Variants in MBNL2 observed in about 807,000 individuals in gnomAD.
MBNL2 encodes muscleblind like splicing regulator 2, also known as muscleblind-like protein 2.
In MBNL2, 17 loss-of-function variants were observed where a neutral mutation model predicts 41.9. The observed-to-expected ratio is 0.41, with a 90% confidence interval of 0.28 to 0.61. The LOEUF is 0.61. MBNL2 is among the 20% of genes least tolerant of loss of function. The probability of loss-of-function intolerance (pLI) is 0.35; values close to 1 mark genes in which losing one functional copy is unlikely to be tolerated. For synonymous variants in MBNL2, 195 were observed against 182.9 expected, an observed-to-expected ratio of 1.07 and a Z score of -0.53; for missense variants, 336 against 505.6, an observed-to-expected ratio of 0.66 and a Z score of 3.22.
intron 2 of MBNL2, among the ~76,000 whole-genome samples, chr13:97,290,800 T>C (rs535863657): frequency 5.3e-5 from 8 of 152,144 alleles, no homozygotes; most frequent in South Asian, 2.1e-4. Context: ...ATAGAAAACA[T>C]TGTGATGGGG....
the MBNL2 span, among the ~76,000 whole-genome samples, chr13:97,194,107 A>C: frequency 6.6e-6 from 1 of 152,224 alleles, no homozygotes; most frequent in Non-Finnish European, 1.5e-5. Context: ...CTCTGAACAT[A>C]CCACTCAAAG....
the MBNL2 span, among the ~76,000 whole-genome samples, chr13:97,185,603 G>C: frequency 6.6e-6 from 1 of 152,202 alleles, no homozygotes; most frequent in Non-Finnish European, 1.5e-5. Flanking sequence ...TGGAGTGAGA[G>C]GCTTTAAAGA....
the MBNL2 span, among the ~76,000 whole-genome samples, chr13:97,204,376 A>C: frequency 1.1e-4 from 17 of 152,244 alleles, no homozygotes; most frequent in Admixed American, 5.2e-4. Flanking sequence ...TCTTAGAAAA[A>C]GGCTTATCTA....
At chr13:97,291,278 G>T (rs924245900) in intron 2 of MBNL2, among the ~76,000 whole-genome samples, 8 of 152,060 alleles carry the variant, frequency 5.3e-5, no homozygotes, top group African/African-American at 1.9e-4. Flanking sequence ...GTCTCACTCT[G>T]TTGCCCAGGC....
At chr13:97,389,680 T>A (rs761187356) in intron 8 of MBNL2, among the ~76,000 whole-genome samples, 79 of 151,280 alleles carry the variant, frequency 5.2e-4, no homozygotes, top group Non-Finnish European at 9.6e-4. Context: ...CATTCCTAAC[T>A]GGGCAACAGA....
At chr13:97,224,707 G>A (rs1454677418) in intron 1 of MBNL2, among the ~76,000 whole-genome samples, 4 of 150,868 alleles carry the variant, frequency 2.7e-5, no homozygotes, top group African/African-American at 4.9e-5. Context: ...ATAAAACCTC[G>A]GTATTAAGAA....
the MBNL2 span, among the ~76,000 whole-genome samples, chr13:97,209,724 TTGA>T: frequency 6.6e-6 from 1 of 152,210 alleles, no homozygotes; most frequent in African/African-American, 2.4e-5. Flanking sequence ...TTCTAGAAGT[TTGA>T]TGAACTTTTT....
upstream of MBNL2, among the ~76,000 whole-genome samples, chr13:97,218,808 G>A (rs1246813364): frequency 6.6e-6 from 1 of 151,682 alleles, no homozygotes; most frequent in Non-Finnish European, 1.5e-5. Flanking sequence ...GTCCAGCTTG[G>A]ATCTGTAGGA....
At chr13:97,150,922 C>T in the MBNL2 span, among the ~76,000 whole-genome samples, 1 of 152,220 alleles carries the variant, frequency 6.6e-6, no homozygotes, top group Non-Finnish European at 1.5e-5. Flanking sequence ...CTGCCCCTAA[C>T]ACAACATCCT....
chr13:97,372,189 A>G (rs913873199), intron 8 of MBNL2, among the ~76,000 whole-genome samples: 1 of 152,212 alleles, frequency 6.6e-6, no homozygotes, highest in African/African-American at 2.4e-5. Context: ...TTTACGGAGC[A>G]TCACAAGAAG....
At chr13:97,321,311 T>C (rs2059484167) in intron 2 of MBNL2, among the ~76,000 whole-genome samples, 1 of 152,186 alleles carries the variant, frequency 6.6e-6, no homozygotes, top group Non-Finnish European at 1.5e-5. Context: ...TTTAACTCTT[T>C]GATTGCTGGG....
the MBNL2 span, among the ~76,000 whole-genome samples, chr13:97,165,729 C>G: frequency 6.6e-6 from 1 of 152,194 alleles, no homozygotes; most frequent in Non-Finnish European, 1.5e-5. Context: ...AAGAACAATG[C>G]TATTTATCAG....
intron 1 of MBNL2, among the ~76,000 whole-genome samples, chr13:97,243,540 G>A (rs917403154): frequency 2.0e-5 from 3 of 152,168 alleles, no homozygotes; most frequent in African/African-American, 7.2e-5. Flanking sequence ...TTTGAACTGG[G>A]TCTTGGAGGA....
At chr13:97,160,574 G>GCA in the MBNL2 span, among the ~76,000 whole-genome samples, 8 of 151,776 alleles carry the variant, frequency 5.3e-5, no homozygotes, top group African/African-American at 1.2e-4. Flanking sequence ...ACACACACAT[G>GCA]CACACACACA....
chr13:97,228,047 T>G (rs1265927143), intron 1 of MBNL2, among the ~76,000 whole-genome samples: 1 of 152,180 alleles, frequency 6.6e-6, no homozygotes, highest in Non-Finnish European at 1.5e-5. Context: ...TCTCATTGAG[T>G]TCTCCTAAGC....
At chr13:97,377,739 G>A (rs1267953222) in intron 8 of MBNL2, among the ~76,000 whole-genome samples, 1 of 152,126 alleles carries the variant, frequency 6.6e-6, no homozygotes, top group Non-Finnish European at 1.5e-5. Flanking sequence ...TCTGAACCTC[G>A]TAACGTGAAG....
At chr13:97,236,352 T>G (rs770679948) in intron 1 of MBNL2, among the ~76,000 whole-genome samples, 17 of 152,086 alleles carry the variant, frequency 1.1e-4, no homozygotes, top group Non-Finnish European at 1.9e-4. Flanking sequence ...AGCTAGGTAG[T>G]CCTAGGGGCA....
the MBNL2 span, among the ~76,000 whole-genome samples, chr13:97,166,785 TA>T: frequency 5.5e-4 from 10 of 18,212 alleles, no homozygotes; most frequent in Non-Finnish European, 1.1e-3. Flanking sequence ...CTTCCCTTGA[TA>T]GATAGATAGA....
intron 2 of MBNL2, among the ~76,000 whole-genome samples, chr13:97,294,349 A>G (rs1398334293): frequency 6.6e-6 from 1 of 152,234 alleles, no homozygotes; most frequent in East Asian, 1.9e-4. Context: ...TAAACTAACT[A>G]GGAGACAGAT....
Sources: allele counts gnomAD v4.1 joint callset (sites outside exome capture counted in the v4.1 genomes callset), GRCh38; gene constraint gnomAD v4.1.1; transcripts MANE v1.5; gene names NCBI Gene and HGNC (gene_info 2026-07-23, HGNC 2026-07-21).